Variants in FHIT observed in about 807,000 individuals in gnomAD.
FHIT encodes fragile histidine triad diadenosine triphosphatase, also known as bis(5'-adenosyl)-triphosphatase.
A neutral mutation model predicts 17.9 loss-of-function variants in FHIT; 19 were observed. The ratio of observed to expected loss-of-function variants is 1.06; its 90% confidence interval spans 0.74 to 1.56. The LOEUF (loss-of-function observed/expected upper bound fraction) is 1.56, where lower values mean the gene tolerates loss of function less well. FHIT is among the 40% of genes most tolerant of loss of function. The pLI, the probability that FHIT is intolerant of heterozygous loss-of-function variation, is 0.00. For synonymous variants in FHIT, 81 were observed against 69.7 expected (o/e 1.16, Z -0.81); for missense variants, 248 against 189.2 (o/e 1.31, Z -1.82).
At chr3:60,252,302 G>A (rs1705750762) in intron 5 of FHIT, among the ~76,000 whole-genome samples, 1 of 152,180 alleles carries the variant, frequency 6.6e-6, no homozygotes, top group African/African-American at 2.4e-5. Flanking sequence ...CCAGAACTTT[G>A]GGAAACCAAA....
chr3:60,178,592 T>A (rs549692298), intron 5 of FHIT, among the ~76,000 whole-genome samples: 9 of 151,718 alleles, frequency 5.9e-5, no homozygotes, highest in Admixed American at 1.3e-4. Context: ...TTGGTGGCGG[T>A]GGGGGGAGGG....
At chr3:59,917,728 G>A (rs1363464266) in intron 8 of FHIT, among the ~76,000 whole-genome samples, 3 of 152,108 alleles carry the variant, frequency 2.0e-5, no homozygotes, top group Non-Finnish European at 4.4e-5. Flanking sequence ...ACAGAAGAGA[G>A]GCTCATACTC....
At chr3:60,544,914 T>C (rs528343233) in intron 4 of FHIT, among the ~76,000 whole-genome samples, 3 of 152,302 alleles carry the variant, frequency 2.0e-5, no homozygotes, top group South Asian at 2.1e-4. Context: ...CTAGTTTTTG[T>C]TATCAAGATT....
At position 60,514,637 on chromosome 3, in the gene FHIT, G is replaced by A. The variant is rs1347989656; in HGVS notation, c.103+22223C>T. On this transcript the variant is annotated intron_variant, in intron 5 of 9. Transcript: ENST00000492590. ...CCACACATGCTGCACATGTATCCCA[G>A]AACTTAAAGTTTTAAAAGATAATAA... Among the ~76,000 whole-genome samples the A allele has an allele frequency of 5.3e-5, 8 of 152,212 alleles. No homozygotes were observed. The East Asian group carries it at 1.5e-3, about 29-fold the overall frequency.
At chr3:61,051,862 C>T (rs992763527) in intron 2 of FHIT, among the ~76,000 whole-genome samples, 7 of 152,188 alleles carry the variant, frequency 4.6e-5, no homozygotes, top group African/African-American at 1.2e-4. Context: ...AGTTACACTG[C>T]ATCTAATGAT....
At chr3:60,523,096 C>T (rs1345559456) in intron 5 of FHIT, among the ~76,000 whole-genome samples, 1 of 152,142 alleles carries the variant, frequency 6.6e-6, no homozygotes, top group South Asian at 2.1e-4. Flanking sequence ...ACCACAAGAA[C>T]AGTATGGGGG....
intron 3 of FHIT, among the ~76,000 whole-genome samples, chr3:60,906,514 C>T (rs1000684216): frequency 6.6e-6 from 1 of 152,200 alleles, no homozygotes; most frequent in African/African-American, 2.4e-5. Context: ...TTCTAAATTC[C>T]ATTCTCCAGT....
At chr3:60,858,688 C>T (rs953752372) in intron 3 of FHIT, among the ~76,000 whole-genome samples, 3 of 152,118 alleles carry the variant, frequency 2.0e-5, no homozygotes, top group Non-Finnish European at 2.9e-5. Context: ...CACCACTAAT[C>T]GGAGACAGAT....
At position 60,347,675 on chromosome 3, in the gene FHIT, T is replaced by TGGCGG. The variant is rs1166550062; in HGVS notation, c.103+189184_103+189185insCCGCC. On this transcript the variant is annotated intron_variant, in intron 5 of 9. Coordinates refer to ENST00000492590, the MANE Select transcript of FHIT (RefSeq NM_002012.4). ...TCCTGTCTTCAGATCACCACTGGTT[T>TGGCGG]GGGGGGGGGGGGGGTTTGTTTTTTG... 2.5e-4 allele frequency among the ~76,000 whole-genome samples: 7 copies of TGGCGG among 27,730 alleles called. 1 individual carries two copies. The highest frequency in any genetic ancestry group is 1.7e-4 in the Non-Finnish European group (2 of 11,758). The allele number at this position is 27,730 out of a possible 152,430, so 18.2% of individuals were successfully genotyped here.
At chr3:60,641,585 T>C (rs571461513) in intron 4 of FHIT, among the ~76,000 whole-genome samples, 4 of 152,228 alleles carry the variant, frequency 2.6e-5, no homozygotes, top group African/African-American at 7.2e-5. Context: ...CAGGCAGATA[T>C]ATGATGACAA....
intron 2 of FHIT, among the ~76,000 whole-genome samples, chr3:61,065,274 C>CACAT (rs1397552366): frequency 9.8e-6 from 1 of 101,524 alleles, no homozygotes; most frequent in African/African-American, 3.1e-5. Context: ...TTTCAACACA[C>CACAT]ACACACACAC....
intron 7 of FHIT, among the ~76,000 whole-genome samples, chr3:59,960,149 AC>A (rs1370355090): frequency 6.6e-6 from 1 of 152,136 alleles, no homozygotes; most frequent in African/African-American, 2.4e-5. Context: ...AAAGGGGACA[AC>A]TGTGATTGTT....
At chr3:60,955,597 CATAT>C (rs201555469) in intron 3 of FHIT, among the ~76,000 whole-genome samples, 13 of 77,706 alleles carry the variant, frequency 1.7e-4, no homozygotes, top group African/African-American at 5.4e-4. Context: ...CATATATATA[CATAT>C]ATATATATAT....
rs183376793 is a variant in FHIT, at chr3:60,334,586, G to C, written c.103+202274C>G. On this transcript the variant is annotated intron_variant, in intron 5 of 9. Transcript: ENST00000492590. The stretch of plus-strand genomic sequence containing the variant: ...TGGATCATCGAGGTCAGGAGCTCGA[G>C]ACCAGCATGGCCAACACAGTGAAAT... Among the ~76,000 whole-genome samples the C allele has an allele frequency of 2.7e-4, 41 of 152,284 alleles. No individual in the cohort carries two copies. In the East Asian group the frequency reaches 7.3e-3, roughly 27 times the overall value.
chr3:60,393,198 G>A (rs1179913218), intron 5 of FHIT, among the ~76,000 whole-genome samples: 3 of 151,914 alleles, frequency 2.0e-5, no homozygotes, highest in East Asian at 3.9e-4. Context: ...CAATTCTTTA[G>A]GGATGGACTA....
chr3:60,665,141 G>T (rs1454745569), intron 4 of FHIT, among the ~76,000 whole-genome samples: 1 of 151,726 alleles, frequency 6.6e-6, no homozygotes, highest in African/African-American at 2.4e-5. Flanking sequence ...CTATTTTTTT[G>T]TTATGGATAA....
chr3:61,089,789 TAAG>T (rs2035423699), intron 2 of FHIT, among the ~76,000 whole-genome samples: 1 of 152,162 alleles, frequency 6.6e-6, no homozygotes, highest in Non-Finnish European at 1.5e-5. Context: ...GTAGAAACTA[TAAG>T]AAGAGAGATT....
At chr3:61,006,716 AGT>A (rs942812392) in intron 3 of FHIT, among the ~76,000 whole-genome samples, 9 of 152,024 alleles carry the variant, frequency 5.9e-5, no homozygotes, top group African/African-American at 2.2e-4. Context: ...CAAACCCTTA[AGT>A]TTGCTGAATT....
At chr3:60,466,208 C>G (rs370294569) in intron 5 of FHIT, among the ~76,000 whole-genome samples, 1 of 152,016 alleles carries the variant, frequency 6.6e-6, no homozygotes, top group South Asian at 2.1e-4. Flanking sequence ...TATAAAAATG[C>G]TACTGATTTT....
Sources: allele counts gnomAD v4.1 joint callset (sites outside exome capture counted in the v4.1 genomes callset), GRCh38; gene constraint gnomAD v4.1.1; transcripts MANE v1.5; gene names NCBI Gene and HGNC (gene_info 2026-07-23, HGNC 2026-07-21).